The following SLC18A1 variants were observed in gnomAD, a reference collection of about 807,000 sequenced individuals.
The protein encoded by SLC18A1 is chromaffin granule amine transporter.
Under a neutral mutation model 53.7 loss-of-function variants are expected in SLC18A1, and 69 were observed. The ratio of observed to expected loss-of-function variants is 1.28; its 90% CI spans 1.06 to 1.57. The LOEUF (loss-of-function observed/expected upper bound fraction) is 1.57. Among genes scored for constraint, SLC18A1 ranks in the 40% most tolerant of loss-of-function variants. The pLI is 0.00. For synonymous variants in SLC18A1, 320 were observed against 248.1 expected (o/e 1.29, Z -2.72); for missense variants, 932 against 668.1 (o/e 1.40, Z -4.35).
intron 8 of SLC18A1, 36 bp from the exon 9 acceptor site, chr8:20,165,143 C>T: frequency 1.3e-6 from 2 of 1,526,608 alleles, no homozygotes; most frequent in Non-Finnish European, 1.8e-6. Context: ...TCCATTTGTA[C>T]AGTGCATACA....
At chr8:20,151,579 C>G (rs370641129) in intron 10 of SLC18A1, among the ~76,000 whole-genome samples, 60 of 152,128 alleles carry the variant, frequency 3.9e-4, no homozygotes, top group African/African-American at 1.3e-3. Context: ...TATATCATAC[C>G]GGGTTACAAT....
chr8:20,167,863 C>T (rs945634726), intron 8 of SLC18A1, among the ~76,000 whole-genome samples: 43 of 151,924 alleles, frequency 2.8e-4, no homozygotes, highest in African/African-American at 9.4e-4. Context: ...CCTCATGATC[C>T]GCCTGCCTCG....
chr8:20,160,166 A>C (rs1286382695), intron 10 of SLC18A1, among the ~76,000 whole-genome samples: 2 of 150,470 alleles, frequency 1.3e-5, no homozygotes, highest in South Asian at 2.1e-4. Context: ...TGTGTAGGCT[A>C]TCCTGGACAG....
At chr8:20,176,057 A>G (rs1460231150) in intron 4 of SLC18A1, 1 of 152,198 alleles carries the variant, frequency 6.6e-6, no homozygotes. Flanking sequence ...CCCTCACTAC[A>G]GTGTGGACAT....
chr8:20,150,574 C>A (rs1331856060), intron 11 of SLC18A1, 92 bp downstream of exon 11: 1 of 1,131,442 alleles, frequency 8.8e-7, no homozygotes, highest in African/African-American at 1.5e-5. Flanking sequence ...AACTTTCAAC[C>A]GTATGGAAGC....
chr8:20,174,876 T>C (rs562572008), intron 4 of SLC18A1, among the ~76,000 whole-genome samples: 8 of 152,298 alleles, frequency 5.3e-5, no homozygotes, highest in African/African-American at 1.9e-4. Context: ...TGGAGTACAG[T>C]GACAGTAAGT....
intron 8 of SLC18A1, among the ~76,000 whole-genome samples, chr8:20,167,898 G>A (rs900579430): frequency 1.3e-5 from 2 of 152,014 alleles, no homozygotes; most frequent in African/African-American, 4.8e-5. Context: ...TGGGATTACA[G>A]GCGTGAACCA....
At chr8:20,180,203 C>T (rs143379111) in intron 2 of SLC18A1, among the ~76,000 whole-genome samples, 1,631 of 150,672 alleles carry the variant, frequency 0.011, 24 homozygotes, top group African/African-American at 0.038. Context: ...CTTTATAGAG[C>T]ATAACTATAA....
chr8:20,148,533 A>T lies in SLC18A1; in HGVS notation c.1147-463T>A, dbSNP rs59942399. On this transcript the variant is annotated intron_variant, in intron 12 of 15. Coordinates refer to ENST00000276373, the MANE Select transcript of SLC18A1 (RefSeq NM_003053.4). ...ACTTGGTAGCTGTTGGAAAAAGAAG[A>T]TAGAGAAGAGGCCCCAACAACCAGT... The T allele has an allele frequency of 2.0e-3, 2,435 of 1,223,920 alleles. 35 individuals are homozygous for T. The African/African-American group carries it at 0.027, about 14-fold the overall frequency. 75.8% of individuals were successfully genotyped at this position (1,223,920 alleles called of 1,614,324 possible). A position where few individuals can be genotyped will look rare whatever the true frequency, so the allele number is the denominator to read the frequency against.
intron 8 of SLC18A1, among the ~76,000 whole-genome samples, chr8:20,166,034 T>C (rs1298420145): frequency 6.6e-6 from 1 of 152,074 alleles, no homozygotes; most frequent in Non-Finnish European, 1.5e-5. Context: ...CCAATTATTA[T>C]TCGAAGTAAA....
chr8:20,161,130 A>G (rs2071820037), intron 10 of SLC18A1, among the ~76,000 whole-genome samples: 1 of 152,150 alleles, frequency 6.6e-6, no homozygotes, highest in African/African-American at 2.4e-5. Flanking sequence ...ATCCATCCCA[A>G]TAGTTTCAGA....
At position 20,147,300 on chromosome 8, in the gene SLC18A1, G is replaced by C; in HGVS notation, c.1422C>G (p.Leu474=). ...CCGGGGGGCTCCGCAGGTAGTAGCA[G>C]AGTGGAGCATAGACGATGTTGATGA... ...TGVINIVYAP[L]CYYLRSPPAK... Residue 474 remains leucine (L), a synonymous_variant, in exon 15 of 16, where the codon CTC becomes CTG. Coordinates refer to ENST00000276373, the MANE Select transcript of SLC18A1 (RefSeq NM_003053.4). The C allele has an allele frequency of 6.2e-7, 1 of 1,613,246 alleles. No homozygotes were observed. The highest frequency in any genetic ancestry group is 1.1e-5 in the South Asian group (1 of 90,964).
chr8:20,150,880 C>A, intron 10 of SLC18A1, 136 bp from the exon 11 acceptor site: 1 of 747,682 alleles, frequency 1.3e-6, no homozygotes, highest in Non-Finnish European at 2.3e-6. Context: ...ATCTGGGGAC[C>A]TTTGTGCAAA....
In SLC18A1 at chr8:20,145,796, C is replaced by T. The variant is rs192461750; in HGVS notation, c.1545G>A (p.Glu515=). 2.5e-5 allele frequency: 41 copies of T among 1,611,952 alleles called. No homozygotes were observed. The highest frequency in any genetic ancestry group is 1.2e-4 in the Admixed American group (7 of 59,676). The part of the protein sequence containing the change: ...QKPTKEFPLG[E]DSDEEPDHEE ...CATGGTCAGGCTCCTCATCACTGTC[C>T]TCCCCCAGAGGAAATTCCTTCGTGG... Residue 515 remains glutamate (E), a synonymous_variant, in exon 16 of 16, where the codon GAG becomes GAA. Transcript: ENST00000276373.
chr8:20,167,332 G>C (rs988196429), intron 8 of SLC18A1, among the ~76,000 whole-genome samples: 1 of 152,024 alleles, frequency 6.6e-6, no homozygotes, highest in Admixed American at 6.5e-5. Context: ...TTTTATAATG[G>C]CATGGGTAAG....
At chr8:20,174,278 G>A in intron 5 of SLC18A1, 83 bp downstream of exon 5, 1 of 1,017,870 alleles carries the variant, frequency 9.8e-7, no homozygotes, top group Admixed American at 1.8e-5. Context: ...ATTTCTCCAT[G>A]TAAATATAGG....
rs202140673 is a variant in SLC18A1, at chr8:20,179,420, G to A, written c.189C>T (p.Leu63=). The A allele has an allele frequency of 7.4e-6, 12 of 1,614,070 alleles. No homozygotes were observed. The African/African-American group carries it at 9.3e-5, about 13-fold the overall frequency. Residue 63 remains leucine, a synonymous_variant, in exon 3 of 16, where the codon CTC becomes CTT. Coordinates refer to ENST00000276373, the MANE Select transcript of SLC18A1 (RefSeq NM_003053.4). ...CATGTGGGGAACTTCCGGCATGGCC[G>A]AGGTGCAGAGAAGAGTTGACTTCTT... The part of the protein sequence containing the change: ...EFKEVNSSLH[L]GHAGSSPHAL...
intron 4 of SLC18A1, chr8:20,175,270 T>C (rs1327103607): frequency 1.3e-5 from 2 of 152,232 alleles, no homozygotes; most frequent in Admixed American, 1.3e-4. Context: ...AGATCTCATA[T>C]TGTTCAAACA....
At chr8:20,154,945 T>C (rs1375390569) in intron 10 of SLC18A1, among the ~76,000 whole-genome samples, 3 of 152,164 alleles carry the variant, frequency 2.0e-5, no homozygotes, top group Non-Finnish European at 4.4e-5. Flanking sequence ...CCATTGCCAC[T>C]CCTGATTGGG....
Sources: allele counts gnomAD v4.1 joint callset (sites outside exome capture counted in the v4.1 genomes callset), GRCh38; gene constraint gnomAD v4.1.1; transcripts MANE v1.5; gene names NCBI Gene and HGNC (gene_info 2026-07-23, HGNC 2026-07-21).